PDXDC1: variants seen among roughly 807,000 people sequenced by gnomAD.
PDXDC1 encodes the protein pyridoxal dependent decarboxylase domain containing 1.
PDXDC1 carries 42 observed loss-of-function variants against 100.1 expected under a neutral mutation model. The observed-to-expected ratio is 0.42, with a 90% CI of 0.33 to 0.54. The LOEUF (loss-of-function observed/expected upper bound fraction) is 0.54. Ranked by LOEUF, PDXDC1 falls within the 20% of genes least tolerant of loss-of-function variation. The probability of loss-of-function intolerance (pLI) is 0.10; values close to 1 mark genes in which losing one functional copy is unlikely to be tolerated. For missense variants in PDXDC1, 636 were observed against 979.2 expected, an observed-to-expected ratio of 0.65 and a Z score of 4.68; for synonymous variants, 260 against 371.7, an observed-to-expected ratio of 0.70 and a Z score of 3.46.
chr16:14,993,517 C>T, intron 1 of PDXDC1, among the ~76,000 whole-genome samples: 1 of 152,402 alleles, frequency 6.6e-6, no homozygotes, highest in Middle Eastern at 3.4e-3. Context: ...GTATATGTGC[C>T]ACATTTTCTT....
At chr16:15,055,428 C>G (rs1193867024) in intron 16 of PDXDC1, among the ~76,000 whole-genome samples, 2 of 152,226 alleles carry the variant, frequency 1.3e-5, no homozygotes, top group Non-Finnish European at 2.9e-5. Context: ...CGCCAAGATC[C>G]CCCAGGCCAA....
chr16:15,057,667 C>T (rs1235414175), intron 16 of PDXDC1, among the ~76,000 whole-genome samples: 2 of 152,220 alleles, frequency 1.3e-5, no homozygotes, highest in East Asian at 3.8e-4. Context: ...TACTTAACTT[C>T]CCTGAACTGG....
At chr16:14,984,495 AT>A (rs1159521017) in intron 1 of PDXDC1, among the ~76,000 whole-genome samples, 448 of 73,422 alleles carry the variant, frequency 6.1e-3, no homozygotes, top group East Asian at 0.038. Context: ...ATATATATAT[AT>A]TTTTTTTTTT....
chr16:15,089,997 T>TC (rs1034731401), intron 16 of PDXDC1, among the ~76,000 whole-genome samples: 2 of 151,652 alleles, frequency 1.3e-5, no homozygotes, highest in African/African-American at 4.8e-5. Context: ...TCACCTGAGG[T>TC]CAGGAGTTCA....
intron 1 of PDXDC1, among the ~76,000 whole-genome samples, chr16:14,977,269 CTTTTTTTTTTTT>C (rs5816116): frequency 6.3e-4 from 60 of 95,056 alleles, no homozygotes; most frequent in Middle Eastern, 6.9e-3. Context: ...ATGGGACTTA[CTTTTTTTTTTTT>C]TTTTTTTTTT....
At chr16:15,129,169 A>G (rs1006968911) in intron 16 of PDXDC1, among the ~76,000 whole-genome samples, 3 of 151,848 alleles carry the variant, frequency 2.0e-5, no homozygotes, top group Non-Finnish European at 4.4e-5. Context: ...GCAGCACGGA[A>G]ATAAAAAATG....
the PDXDC1 span, among the ~76,000 whole-genome samples, chr16:15,146,211 G>A: frequency 6.6e-6 from 1 of 152,124 alleles, no homozygotes; most frequent in Non-Finnish European, 1.5e-5. Context: ...TCACAGAGAT[G>A]CCCTGGCCTC....
intron 16 of PDXDC1, chr16:15,069,928 G>A: frequency 8.2e-7 from 1 of 1,218,430 alleles, no homozygotes. Context: ...TGAGCTGCTT[G>A]AAATTATTAT....
intron 1 of PDXDC1, among the ~76,000 whole-genome samples, chr16:14,984,336 T>TA (rs1968733976): frequency 4.6e-5 from 6 of 131,382 alleles, no homozygotes; most frequent in African/African-American, 9.0e-5. Context: ...TTTTTTTTTT[T>TA]AACTTAGATT....
chr16:15,065,643 T>G lies in PDXDC1; in HGVS notation c.1399+35587T>G, dbSNP rs555962209. 5.9e-5 allele frequency among the ~76,000 whole-genome samples: 9 copies of G among 152,348 alleles called. 1 individual carries two copies. The South Asian group carries it at 1.9e-3, about 32-fold the overall frequency. ...TATTTTAATGAGTAATAGATATTAT[T>G]CATTATATTTTAATGAGTAATAGAT... On this transcript the variant is annotated intron_variant, in intron 16 of 16. Coordinates refer to the PDXDC1 transcript ENST00000535621.
intron 16 of PDXDC1, chr16:15,131,640 T>C (rs2048066692): frequency 6.3e-7 from 1 of 1,592,182 alleles, no homozygotes. Flanking sequence ...TCCGCGATGG[T>C]GACTCGGCTC....
intron 16 of PDXDC1, chr16:15,135,347 C>T: frequency 6.5e-7 from 1 of 1,540,162 alleles, no homozygotes; most frequent in Non-Finnish European, 8.7e-7. Flanking sequence ...GTACTCCACG[C>T]CAGCCGCCAG....
In PDXDC1 at chr16:15,094,386, GC is replaced by G. The variant is rs563926056; in HGVS notation, c.1400-44491del. The G allele has an allele frequency of 3.1e-3, 2,172 of 693,030 alleles. 16 individuals carry two copies. The highest frequency in any genetic ancestry group is 9.4e-3 in the Middle Eastern group (24 of 2,558). 42.9% of individuals were successfully genotyped at this position (693,030 alleles called of 1,614,324 possible). ...GCGTATGCTCTCGGCGGGCTAGAGCGCCGCTGAAACCCGCTCCTCGTTCTAC... is the reference window on the plus strand; with the variant it reads ...GCGTATGCTCTCGGCGGGCTAGAGCGCGCTGAAACCCGCTCCTCGTTCTAC... On this transcript the variant is annotated intron_variant, in intron 16 of 16. Coordinates refer to the PDXDC1 transcript ENST00000535621.
rs1375422173 is a variant in PDXDC1 at position 15,133,865 on chromosome 16, C to A, written c.1400-5014C>A. On this transcript the variant is annotated intron_variant, in intron 16 of 16. Transcript: ENST00000535621. ...CCAGTGGGAAGAGGCGGCAAGAGCC[C>A]CCCAGCGGCGGGCGGTTGGGGGACA... The A allele has an allele frequency of 5.1e-6, 8 of 1,560,244 alleles. No homozygotes were observed. In the African/African-American group the frequency reaches 6.7e-5, roughly 13 times the overall value.
rs57542228 is a variant in PDXDC1 at position 15,032,668 on chromosome 16, A to AAAAAAAAAAAAAAAAAAAG, written c.1572-192_1572-191insAAAAAAAAAAAAAAAAAGA. ...GACCCTGCTTTAAAAAAAAAAAAAA[A>AAAAAAAAAAAAAAAAAAAG]AGGCTTTCCTGTGACTTTCTCTTTA... On this transcript the variant is annotated intron_variant, in intron 17 of 22. Transcript: ENST00000396410. The AAAAAAAAAAAAAAAAAAAG allele has an allele frequency of 3.0e-3, 1,142 of 379,818 alleles. 66 individuals are homozygous for AAAAAAAAAAAAAAAAAAAG. Among genetic ancestry groups the AAAAAAAAAAAAAAAAAAAG allele is most frequent in the African/African-American group, 5.0e-3 (224 of 44,872 alleles). 23.5% of individuals were successfully genotyped at this position (379,818 alleles called of 1,614,324 possible).
At chr16:15,094,703 C>T (rs1314065655) in intron 16 of PDXDC1, 1 of 174,600 alleles carries the variant, frequency 5.7e-6, no homozygotes, top group Non-Finnish European at 1.2e-5. Flanking sequence ...CTCACAGACA[C>T]CCAAGATAAC....
intron 16 of PDXDC1, among the ~76,000 whole-genome samples, chr16:15,100,147 G>A (rs1310950363): frequency 6.6e-6 from 1 of 152,150 alleles, no homozygotes; most frequent in South Asian, 2.1e-4. Context: ...AACTAGAAGG[G>A]ATTAAGTTAT....
chr16:15,055,644 A>C (rs2044479737), intron 16 of PDXDC1: 2 of 342,946 alleles, frequency 5.8e-6, no homozygotes, highest in South Asian at 1.5e-4. Flanking sequence ...ACCTTGGGCA[A>C]GTCACCTAAC....
chr16:15,132,390 GTT>G, intron 16 of PDXDC1, among the ~76,000 whole-genome samples: 1 of 88,220 alleles, frequency 1.1e-5, no homozygotes, highest in Non-Finnish European at 2.4e-5. Context: ...GAGGGGAGGG[GTT>G]AGGGGAGGGA....
Sources: allele counts gnomAD v4.1 joint callset (sites outside exome capture counted in the v4.1 genomes callset), GRCh38; gene constraint gnomAD v4.1.1; transcripts MANE v1.5; gene names NCBI Gene and HGNC (gene_info 2026-07-23, HGNC 2026-07-21).